The following IL33 variants were observed in gnomAD, a reference collection of about 807,000 sequenced individuals.
IL33 encodes interleukin-33.
A neutral mutation model predicts 27.3 loss-of-function variants in IL33; 37 were observed. That is an observed-to-expected ratio of 1.36 (90% CI 1.04 to 1.78). The LOEUF (loss-of-function observed/expected upper bound fraction) is 1.78. Ranked by LOEUF, IL33 falls within the 40% of genes most tolerant of loss-of-function variation. IL33 has a pLI of 0.00. For synonymous variants in IL33, 132 were observed against 102.9 expected (o/e 1.28, Z -1.71); for missense variants, 406 against 311.4 (o/e 1.30, Z -2.29).
At chr9:6,229,682 G>A (rs1236107676) in intron 1 of IL33, among the ~76,000 whole-genome samples, 1 of 152,158 alleles carries the variant, frequency 6.6e-6, no homozygotes, top group African/African-American at 2.4e-5. Flanking sequence ...TAGGGTTTCT[G>A]TAAGCACTGA....
In IL33 at chr9:6,250,414, T is replaced by C. The variant is rs969041952; in HGVS notation, c.92-60T>C. 73 of 1,576,922 alleles carry C rather than the reference T, an allele frequency of 4.6e-5. No individual in the cohort carries two copies. The South Asian group carries it at 7.6e-4, about 16-fold the overall frequency. ...CTTTCTTGGTCTGCTACACTCAGGA[T>C]TTGTAGAAGGATAAAGATGAATGGA... On this transcript the variant is annotated intron_variant, in intron 2 of 7. Transcript: ENST00000682010.
At chr9:6,246,721 C>G (rs961367960) in intron 2 of IL33, among the ~76,000 whole-genome samples, 2 of 152,196 alleles carry the variant, frequency 1.3e-5, no homozygotes, top group Non-Finnish European at 2.9e-5. Context: ...AGTCCCCATC[C>G]TTTCTTTGCC....
chr9:6,228,112 C>T (rs1050711742), intron 1 of IL33, among the ~76,000 whole-genome samples: 4 of 152,262 alleles, frequency 2.6e-5, no homozygotes, highest in Admixed American at 6.5e-5. Flanking sequence ...GCACTTAGTA[C>T]AGTTCTTGGC....
At chr9:6,244,919 C>T (rs1003507154) in intron 2 of IL33, among the ~76,000 whole-genome samples, 4 of 152,230 alleles carry the variant, frequency 2.6e-5, no homozygotes, top group African/African-American at 9.6e-5. Context: ...CAGGTGTCCC[C>T]ACAGTCAGTC....
chr9:6,223,956 C>G (rs1818520473), intron 1 of IL33, among the ~76,000 whole-genome samples: 1 of 152,152 alleles, frequency 6.6e-6, no homozygotes, highest in Non-Finnish European at 1.5e-5. Flanking sequence ...CTCTGAGCAT[C>G]AGATACTCAG....
intron 1 of IL33, among the ~76,000 whole-genome samples, chr9:6,223,286 A>C (rs1444540783): frequency 1.3e-5 from 2 of 152,150 alleles, no homozygotes; most frequent in East Asian, 3.8e-4. Context: ...TATAAACACA[A>C]AAATTTTTTG....
chr9:6,234,885 A>G (rs993589770), intron 1 of IL33, among the ~76,000 whole-genome samples: 2 of 152,220 alleles, frequency 1.3e-5, no homozygotes, highest in African/African-American at 4.8e-5. Flanking sequence ...TCCACAGGAT[A>G]AAATTCAAAC....
chr9:6,232,592 T>C (rs1221412429), intron 1 of IL33, among the ~76,000 whole-genome samples: 1 of 152,130 alleles, frequency 6.6e-6, no homozygotes, highest in Non-Finnish European at 1.5e-5. Context: ...CCCCTGGTGA[T>C]GCCATATTCT....
rs1171564228 is a variant in IL33, at chr9:6,257,200, A to G, written c.*1032A>G. ...CTTCCAGGGACCTATGTCTTTTAATACTCACTGTCACATTGGGCAAAGTTG... is the reference window on the plus strand; with the variant it reads ...CTTCCAGGGACCTATGTCTTTTAATGCTCACTGTCACATTGGGCAAAGTTG... On this transcript the variant is annotated 3_prime_UTR_variant, in exon 8 of 8. Coordinates refer to ENST00000682010, the MANE Select transcript of IL33 (RefSeq NM_033439.4). 1 of 152,074 alleles carries G rather than the reference A, an allele frequency of 6.6e-6. No homozygotes were observed. Among genetic ancestry groups the G allele is most frequent in the Admixed American group, 6.6e-5 (1 of 15,258 alleles). 9.4% of individuals were successfully genotyped at this position (152,074 alleles called of 1,614,324 possible).
chr9:6,250,159 A>G (rs757727005), intron 2 of IL33, among the ~76,000 whole-genome samples: 7 of 151,894 alleles, frequency 4.6e-5, no homozygotes, highest in Non-Finnish European at 1.0e-4. Flanking sequence ...ACATCAACTA[A>G]CTCCTGATGT....
At chr9:6,239,720 G>C (rs1429115669) in intron 1 of IL33, among the ~76,000 whole-genome samples, 1 of 151,988 alleles carries the variant, frequency 6.6e-6, no homozygotes, top group African/African-American at 2.4e-5. Flanking sequence ...AGAACTCCGG[G>C]TGGCATCCCA....
chr9:6,240,075 T>C (rs1339288754), intron 1 of IL33, among the ~76,000 whole-genome samples: 3 of 152,180 alleles, frequency 2.0e-5, no homozygotes, highest in African/African-American at 7.2e-5. Context: ...AACAAAACAG[T>C]CTCAGAACTT....
At chr9:6,242,928 C>G (rs1819616853) in intron 2 of IL33, among the ~76,000 whole-genome samples, 1 of 152,086 alleles carries the variant, frequency 6.6e-6, no homozygotes, top group Admixed American at 6.6e-5. Context: ...CCAGTATGTG[C>G]AGAGGTCACA....
chr9:6,254,069 T>A (rs184392967), intron 6 of IL33, among the ~76,000 whole-genome samples: 214 of 152,256 alleles, frequency 1.4e-3, no homozygotes, highest in Non-Finnish European at 2.6e-3. Flanking sequence ...TTATCTCACA[T>A]TGGTCAGAAC....
chr9:6,240,071 A>C (rs1819442486), intron 1 of IL33, among the ~76,000 whole-genome samples: 1 of 152,224 alleles, frequency 6.6e-6, no homozygotes, highest in African/African-American at 2.4e-5. Context: ...GTATAACAAA[A>C]CAGTCTCAGA....
chr9:6,234,828 G>A (rs944502584), intron 1 of IL33, among the ~76,000 whole-genome samples: 1 of 152,106 alleles, frequency 6.6e-6, no homozygotes, highest in Admixed American at 6.5e-5. Context: ...ACACACTCTA[G>A]ATGATGTTTC....
At position 6,228,359 on chromosome 9, in the gene IL33, C is replaced by A. The variant is rs1251735775; in HGVS notation, c.-12+12507C>A. Among the ~76,000 whole-genome samples, 5 of 152,238 alleles carry A rather than the reference C, an allele frequency of 3.3e-5. No individual in the cohort carries two copies. The East Asian group carries it at 7.7e-4, about 23-fold the overall frequency. ...TTTTATTTAACTCTACATGCTTTTG[C>A]TAAGTATTTCATACTCCTTTGAATT... is the stretch of plus-strand genomic sequence containing the variant. On this transcript the variant is annotated intron_variant, in intron 1 of 7. Coordinates refer to ENST00000682010, the MANE Select transcript of IL33 (RefSeq NM_033439.4).
At chr9:6,254,389 G>C in intron 6 of IL33, 73 bp from the exon 7 acceptor site, 1 of 894,366 alleles carries the variant, frequency 1.1e-6, no homozygotes, top group Non-Finnish European at 1.6e-6. Flanking sequence ...CTTTTTTCCT[G>C]GGTGTTGAAT....
At chr9:6,249,058 A>G (rs1173880844) in intron 2 of IL33, among the ~76,000 whole-genome samples, 1 of 152,218 alleles carries the variant, frequency 6.6e-6, no homozygotes, top group Non-Finnish European at 1.5e-5. Flanking sequence ...TAAAAGCACT[A>G]AAATATAAAT....
Sources: gnomAD v4.1 joint callset for allele counts (sites outside exome capture counted in the v4.1 genomes callset) on GRCh38, gnomAD v4.1.1 for gene constraint, MANE v1.5 for transcripts, NCBI Gene and HGNC (gene_info 2026-07-23, HGNC 2026-07-21) for gene names.